Variants in METAP1D observed in about 807,000 individuals in gnomAD.
The protein encoded by METAP1D is methionyl aminopeptidase type 1D, mitochondrial.
METAP1D carries 31 observed loss-of-function variants against 40.5 expected under a neutral mutation model. That is an observed-to-expected ratio of 0.77 (90% confidence interval 0.58 to 1.03). The LOEUF is 1.03. Ranked by LOEUF, METAP1D falls within the 50% of genes least tolerant of loss-of-function variation. The probability of loss-of-function intolerance (pLI) is 0.00; values close to 1 mark genes in which losing one functional copy is unlikely to be tolerated. For synonymous variants in METAP1D, 151 were observed against 146.4 expected (o/e 1.03, Z -0.22); for missense variants, 411 against 420.7 (o/e 0.98, Z 0.20).
At chr2:172,079,583 G>A (rs1690650313) in intron 8 of METAP1D, among the ~76,000 whole-genome samples, 1 of 152,124 alleles carries the variant, frequency 6.6e-6, no homozygotes, top group African/African-American at 2.4e-5. Flanking sequence ...CTCCCTGTCA[G>A]CAAGTGGCAT....
rs906823760 is a variant in METAP1D at position 172,044,733 on chromosome 2, C to A, written c.41-16765C>A. Among the ~76,000 whole-genome samples the A allele has an allele frequency of 1.7e-4, 23 of 133,206 alleles. 2 individuals are homozygous for A. The highest frequency in any genetic ancestry group is 5.6e-4 in the African/African-American group (22 of 39,368). The allele number at this position is 133,206 out of a possible 152,430, so 87.4% of individuals were successfully genotyped here. A position where few individuals can be genotyped will look rare whatever the true frequency, so the allele number is the denominator to read the frequency against. ...ACCAGCCTGGTCAACATGGCGAAACCCCATTTCTACTTAAAATACAAAATT... is the reference window on the plus strand; with the variant it reads ...ACCAGCCTGGTCAACATGGCGAAACACCATTTCTACTTAAAATACAAAATT... On this transcript the variant is annotated intron_variant, in intron 1 of 9. Coordinates refer to ENST00000315796, the MANE Select transcript of METAP1D (RefSeq NM_199227.3).
At chr2:172,022,315 C>G (rs1297353316) in intron 1 of METAP1D, among the ~76,000 whole-genome samples, 1 of 152,110 alleles carries the variant, frequency 6.6e-6, no homozygotes, top group Non-Finnish European at 1.5e-5. Flanking sequence ...CTCTGCTTGC[C>G]CAGAGGCTGG....
chr2:172,051,337 T>A (rs771259054), intron 1 of METAP1D, among the ~76,000 whole-genome samples: 1 of 152,000 alleles, frequency 6.6e-6, no homozygotes, highest in Non-Finnish European at 1.5e-5. Flanking sequence ...GTTTCTAGAG[T>A]AGGTTGAGGT....
chr2:172,045,150 G>A (rs938469878), intron 1 of METAP1D, among the ~76,000 whole-genome samples: 1 of 134,198 alleles, frequency 7.5e-6, no homozygotes, highest in African/African-American at 2.5e-5. Context: ...TTGCAAATAT[G>A]TTAAAGTTTG....
intron 1 of METAP1D, among the ~76,000 whole-genome samples, chr2:172,034,020 C>T (rs1405822899): frequency 5.1e-5 from 7 of 136,932 alleles, no homozygotes; most frequent in South Asian, 2.3e-4. Context: ...GAGGTTGCGG[C>T]GAGTGGAGAT....
intron 1 of METAP1D, among the ~76,000 whole-genome samples, chr2:172,024,655 T>G (rs1362827266): frequency 6.6e-6 from 1 of 152,022 alleles, no homozygotes; most frequent in East Asian, 1.9e-4. Context: ...TTCAGCCAAA[T>G]CCCCAGGATT....
At chr2:172,074,961 C>A (rs1043520492) in intron 6 of METAP1D, among the ~76,000 whole-genome samples, 2 of 151,994 alleles carry the variant, frequency 1.3e-5, no homozygotes, top group Non-Finnish European at 2.9e-5. Flanking sequence ...TATTTTTAGT[C>A]AAAAAACTAG....
At chr2:172,079,896 A>G (rs1361293169) in intron 8 of METAP1D, among the ~76,000 whole-genome samples, 1 of 152,188 alleles carries the variant, frequency 6.6e-6, no homozygotes, top group East Asian at 1.9e-4. Flanking sequence ...ATTACGAACT[A>G]GGCAACTTCA....
intron 1 of METAP1D, among the ~76,000 whole-genome samples, chr2:172,025,410 C>G (rs1468433226): frequency 6.6e-6 from 1 of 152,096 alleles, no homozygotes; most frequent in East Asian, 1.9e-4. Context: ...CTCACTGCAG[C>G]CTTAACCTCC....
intron 6 of METAP1D, among the ~76,000 whole-genome samples, chr2:172,071,460 G>A (rs529890869): frequency 6.6e-6 from 1 of 152,244 alleles, no homozygotes; most frequent in South Asian, 2.1e-4. Flanking sequence ...ATTTTATAAA[G>A]GAATGAAGTG....
chr2:172,060,416 CAAAA>C (rs757713609), intron 1 of METAP1D, among the ~76,000 whole-genome samples: 4 of 60,760 alleles, frequency 6.6e-5, no homozygotes, highest in Non-Finnish European at 6.9e-5. Context: ...GACCCTGTCT[CAAAA>C]AAAAAAAAAA....
intron 7 of METAP1D, among the ~76,000 whole-genome samples, 189 bp downstream of exon 7, chr2:172,078,083 G>A (rs115466804): frequency 6.6e-6 from 1 of 152,084 alleles, no homozygotes; most frequent in Non-Finnish European, 1.5e-5. Context: ...TACTGGATTA[G>A]AGCCCAGCTG....
chr2:172,080,842 C>A lies in METAP1D; in HGVS notation c.*436C>A. On this transcript the variant is annotated 3_prime_UTR_variant, in exon 10 of 10. Transcript: ENST00000315796. ...AACTTTGCACGTCTGCCGAAAAATC[C>A]GAACCTGTTGACTGGGATTTTTAAG... 1 of 191,634 alleles carries A rather than the reference C, an allele frequency of 5.2e-6. No homozygotes were observed. Among genetic ancestry groups the A allele is most frequent in the African/African-American group, 2.4e-5 (1 of 42,378 alleles). The allele number at this position is 191,634 out of a possible 1,614,324, so 11.9% of individuals were successfully genotyped here.
At chr2:172,009,122 A>G (rs1448798628) in intron 1 of METAP1D, among the ~76,000 whole-genome samples, 2 of 148,566 alleles carry the variant, frequency 1.3e-5, no homozygotes, top group Non-Finnish European at 3.0e-5. Flanking sequence ...CTCACTGCAA[A>G]CTCCACCTCC....
At chr2:172,001,724 CT>C (rs1558988794) in intron 1 of METAP1D, among the ~76,000 whole-genome samples, 1 of 151,986 alleles carries the variant, frequency 6.6e-6, no homozygotes, top group African/African-American at 2.4e-5. Context: ...GCATTTTGGA[CT>C]GGTTGCATGA....
chr2:172,070,886 T>A (rs746528197), intron 5 of METAP1D, 21 bp from the exon 6 acceptor site: 2 of 1,568,420 alleles, frequency 1.3e-6, no homozygotes, highest in Admixed American at 1.9e-5. Flanking sequence ...GACATATTTT[T>A]AAATTTCTGC....
chr2:172,078,427 C>T (rs910145996), intron 7 of METAP1D, among the ~76,000 whole-genome samples: 2 of 152,096 alleles, frequency 1.3e-5, no homozygotes, highest in African/African-American at 4.8e-5. Flanking sequence ...GGTGTGCACC[C>T]TATAGTGAGA....
At chr2:172,010,817 C>T (rs1254122291) in intron 1 of METAP1D, among the ~76,000 whole-genome samples, 1 of 144,962 alleles carries the variant, frequency 6.9e-6, no homozygotes, top group African/African-American at 2.5e-5. Context: ...GGCATGATCT[C>T]GATCTCCACT....
In METAP1D at chr2:172,042,922, T is replaced by C. The variant is rs1469137402; in HGVS notation, c.41-18576T>C. Among the ~76,000 whole-genome samples, 2 of 128,756 alleles carry C rather than the reference T, an allele frequency of 1.6e-5. 1 individual carries two copies. The highest frequency in any genetic ancestry group is 3.6e-5 in the Non-Finnish European group (2 of 55,194). The allele number at this position is 128,756 out of a possible 152,430, so 84.5% of individuals were successfully genotyped here. A position where few individuals can be genotyped will look rare whatever the true frequency, so the allele number is the denominator to read the frequency against. On this transcript the variant is annotated intron_variant, in intron 1 of 9. Transcript: ENST00000315796. ...GTATGTGTACATATGTATACATATA[T>C]GCGTACATGTGTATACACGTATGCG...
Sources: gnomAD v4.1 joint callset for allele counts (sites outside exome capture counted in the v4.1 genomes callset) on GRCh38, gnomAD v4.1.1 for gene constraint, MANE v1.5 for transcripts, NCBI Gene and HGNC (gene_info 2026-07-23, HGNC 2026-07-21) for gene names.